LRMDA: variants seen among roughly 807,000 people sequenced by gnomAD.
The protein encoded by LRMDA is leucine rich melanocyte differentiation associated, also known as leucine-rich melanocyte differentiation-associated protein.
LRMDA carries 18 observed loss-of-function variants against 29.8 expected under a neutral mutation model. The ratio of observed to expected loss-of-function variants is 0.60; its 90% CI spans 0.42 to 0.90. LRMDA has a LOEUF of 0.90. Among genes scored for constraint, LRMDA ranks in the 40% least tolerant of loss-of-function variants. The pLI is 0.00. For missense variants in LRMDA, 273 were observed against 273.9 expected (o/e 1.00, Z 0.02); for synonymous variants, 125 against 109.4 (o/e 1.14, Z -0.89).
Position 76,142,296 on chromosome 10 carries a change from T to C in LRMDA, c.516+83513T>C, listed in dbSNP as rs542104220. 2.6e-5 allele frequency among the ~76,000 whole-genome samples: 4 copies of C among 152,290 alleles called. No homozygotes were observed. In the South Asian group the frequency reaches 8.3e-4, roughly 32 times the overall value. ...TTATATGTGTGCATTTACATAGTCT[T>C]AAAAATGCAATGAATGAACCAACCC... On this transcript the variant is annotated intron_variant, in intron 5 of 6. Transcript: ENST00000611255.
chr10:76,540,522 G>C (rs1466309708), intron 6 of LRMDA, among the ~76,000 whole-genome samples: 1 of 152,194 alleles, frequency 6.6e-6, no homozygotes, highest in Non-Finnish European at 1.5e-5. Flanking sequence ...AAGAACAGAA[G>C]TGCTCACACA....
chr10:76,269,882 G>A (rs1305742291), intron 5 of LRMDA, among the ~76,000 whole-genome samples: 1 of 152,198 alleles, frequency 6.6e-6, no homozygotes, highest in African/African-American at 2.4e-5. Flanking sequence ...AGGACTAGAT[G>A]TTGTATTGTC....
chr10:76,546,482 A>G (rs182967062), intron 6 of LRMDA, among the ~76,000 whole-genome samples: 251 of 152,370 alleles, frequency 1.6e-3, no homozygotes, highest in African/African-American at 5.7e-3. Flanking sequence ...TAATTTAATT[A>G]ACAAGGACCC....
intron 2 of LRMDA, among the ~76,000 whole-genome samples, chr10:75,859,615 ACACAC>A (rs1844886211): frequency 6.8e-6 from 1 of 147,410 alleles, no homozygotes; most frequent in Non-Finnish European, 1.5e-5. Context: ...ACACACACAC[ACACAC>A]ACACACACAC....
chr10:76,117,269 G>A (rs1849682521), intron 5 of LRMDA, among the ~76,000 whole-genome samples: 1 of 152,072 alleles, frequency 6.6e-6, no homozygotes, highest in Admixed American at 6.6e-5. Context: ...TGTCAGTGAG[G>A]GAGTAAGTTG....
At chr10:76,531,578 A>G (rs1469409294) in intron 6 of LRMDA, among the ~76,000 whole-genome samples, 1 of 152,136 alleles carries the variant, frequency 6.6e-6, no homozygotes, top group African/African-American at 2.4e-5. Flanking sequence ...TGATATAAAT[A>G]TATCAGTTAT....
intron 5 of LRMDA, among the ~76,000 whole-genome samples, chr10:76,173,660 C>A (rs1850879317): frequency 6.6e-6 from 1 of 151,976 alleles, no homozygotes; most frequent in Admixed American, 6.6e-5. Context: ...ACTCAATAGC[C>A]ATTTATAATT....
chr10:75,440,940 G>A (rs776012435), intron 2 of LRMDA, among the ~76,000 whole-genome samples: 3 of 152,162 alleles, frequency 2.0e-5, no homozygotes, highest in East Asian at 1.9e-4. Context: ...GGGAGGCTGA[G>A]GCAGGAGAAT....
intron 2 of LRMDA, among the ~76,000 whole-genome samples, chr10:75,954,729 A>G (rs754097773): frequency 6.6e-6 from 1 of 152,364 alleles, no homozygotes; most frequent in African/African-American, 2.4e-5. Flanking sequence ...AGAAAGTGCT[A>G]GTATCAAAAC....
chr10:76,145,714 A>G lies in LRMDA; in HGVS notation c.516+86931A>G, dbSNP rs186993075. 1.5e-3 allele frequency among the ~76,000 whole-genome samples: 226 copies of G among 151,466 alleles called. 2 individuals are homozygous for G. Among genetic ancestry groups the G allele is most frequent in the African/African-American group, 5.2e-3 (216 of 41,228 alleles). The stretch of plus-strand genomic sequence containing the variant: ...CTTCAGTTCTGCTCTGATCTTAGTT[A>G]TTTCTTGCCTTCTGCTAGCTTTTGA... On this transcript the variant is annotated intron_variant, in intron 5 of 6. Transcript: ENST00000611255.
At chr10:76,437,730 C>A (rs1454113126) in intron 6 of LRMDA, among the ~76,000 whole-genome samples, 1 of 152,192 alleles carries the variant, frequency 6.6e-6, no homozygotes, top group African/African-American at 2.4e-5. Flanking sequence ...GCATTCACCA[C>A]CTCTCCTCAC....
chr10:75,805,580 G>T (rs1021532397), intron 2 of LRMDA, among the ~76,000 whole-genome samples: 1 of 152,260 alleles, frequency 6.6e-6, no homozygotes, highest in Non-Finnish European at 1.5e-5. Context: ...GCCATGCAAA[G>T]GAGTCAGGAT....
intron 5 of LRMDA, among the ~76,000 whole-genome samples, chr10:76,156,369 C>A (rs1275659295): frequency 6.6e-6 from 1 of 152,128 alleles, no homozygotes; most frequent in Non-Finnish European, 1.5e-5. Context: ...ATGAAAAAAA[C>A]CGACTGTTTT....
chr10:76,418,897 T>C (rs1250383246), intron 6 of LRMDA, among the ~76,000 whole-genome samples: 1 of 152,052 alleles, frequency 6.6e-6, no homozygotes, highest in Non-Finnish European at 1.5e-5. Flanking sequence ...ATGTGATGAA[T>C]TACATTGATC....
At chr10:75,739,921 TG>T (rs1199932417) in intron 2 of LRMDA, among the ~76,000 whole-genome samples, 1 of 150,744 alleles carries the variant, frequency 6.6e-6, no homozygotes, top group East Asian at 1.9e-4. Flanking sequence ...GTTTACAGCA[TG>T]TTGCAAGTTT....
At chr10:76,382,970 G>A (rs1381556028) in intron 6 of LRMDA, among the ~76,000 whole-genome samples, 1 of 152,194 alleles carries the variant, frequency 6.6e-6, no homozygotes, top group Non-Finnish European at 1.5e-5. Flanking sequence ...TTACAGTTCA[G>A]CACAGAGAAA....
chr10:75,470,060 A>C (rs1410131260), intron 2 of LRMDA, among the ~76,000 whole-genome samples: 2 of 152,142 alleles, frequency 1.3e-5, no homozygotes, highest in East Asian at 3.8e-4. Flanking sequence ...TCTTTTCCTC[A>C]AGACTCTACT....
At chr10:76,485,030 C>T (rs1375047407) in intron 6 of LRMDA, among the ~76,000 whole-genome samples, 1 of 151,714 alleles carries the variant, frequency 6.6e-6, no homozygotes, top group Non-Finnish European at 1.5e-5. Flanking sequence ...TGTATTTATA[C>T]TTAAAATAGT....
intron 6 of LRMDA, among the ~76,000 whole-genome samples, chr10:76,460,639 G>T (rs1564547838): frequency 6.6e-6 from 1 of 152,210 alleles, no homozygotes; most frequent in Non-Finnish European, 1.5e-5. Flanking sequence ...TTCTCTCAGG[G>T]TGCCCAGCCC....
Sources: allele counts gnomAD v4.1 joint callset (sites outside exome capture counted in the v4.1 genomes callset), GRCh38; gene constraint gnomAD v4.1.1; transcripts MANE v1.5; gene names NCBI Gene and HGNC (gene_info 2026-07-23, HGNC 2026-07-21).